Variants in MGLL observed in about 807,000 individuals in gnomAD.
MGLL encodes the protein monoglyceride lipase, also known as lysophospholipase homolog.
MGLL carries 7 observed loss-of-function variants against 29.1 expected under a neutral mutation model. That is an observed-to-expected ratio of 0.24 (90% confidence interval 0.14 to 0.45). The LOEUF (loss-of-function observed/expected upper bound fraction) is 0.45. Among genes scored for constraint, MGLL ranks in the 20% least tolerant of loss-of-function variants. The pLI is 0.99. For synonymous variants in MGLL, 148 were observed against 168.3 expected (o/e 0.88, Z 0.93); for missense variants, 356 against 413.6 (o/e 0.86, Z 1.21).
At chr3:127,710,987 A>G (rs2075700279) in intron 5 of MGLL, 1 of 399,710 alleles carries the variant, frequency 2.5e-6, no homozygotes, top group Non-Finnish European at 4.8e-6. Flanking sequence ...CATCACTGGC[A>G]AGAGTTGCCT....
In MGLL at chr3:127,822,402, G is replaced by A; in HGVS notation, c.-84C>T. On this transcript the variant is annotated 5_prime_UTR_variant, in exon 1 of 8. Coordinates refer to ENST00000265052, the MANE Select transcript of MGLL (RefSeq NM_007283.7). ...ATCGGGCTGTTCCCTCATCTGGGCGGCCCCAAGGCAGCAGGAAGGCAGCTC... is the reference window on the plus strand; with the variant it reads ...ATCGGGCTGTTCCCTCATCTGGGCGACCCCAAGGCAGCAGGAAGGCAGCTC... 6.8e-7 allele frequency: 1 copy of A among 1,475,616 alleles called. No homozygotes were observed. 91.4% of individuals were successfully genotyped at this position (1,475,616 alleles called of 1,614,324 possible). A position where few individuals can be genotyped will look rare whatever the true frequency, so the allele number is the denominator to read the frequency against.
chr3:127,696,407 T>TTTC, intron 6 of MGLL, among the ~76,000 whole-genome samples: 1 of 73,380 alleles, frequency 1.4e-5, no homozygotes, highest in African/African-American at 9.5e-5. Flanking sequence ...TTTTTTTTTT[T>TTTC]TTTTTTTTTT....
intron 3 of MGLL, among the ~76,000 whole-genome samples, chr3:127,774,358 C>T (rs1266718912): frequency 1.3e-5 from 2 of 152,240 alleles, no homozygotes; most frequent in Non-Finnish European, 2.9e-5. Context: ...CAGCCTCCTG[C>T]CTCTTGCCTC....
Position 127,787,683 on chromosome 3 carries a change from G to A in MGLL, c.156-5788C>T, listed in dbSNP as rs187721275. Among the ~76,000 whole-genome samples the A allele has an allele frequency of 6.6e-5, 10 of 152,346 alleles. No individual in the cohort carries two copies. In the East Asian group the frequency reaches 1.9e-3, roughly 29 times the overall value. ...CACACCCCTGAGGGTGTCCTCGCTG[G>A]AGGGGTGGGAGCATCGCCTGCCGCT... On this transcript the variant is annotated intron_variant, in intron 2 of 7. Coordinates refer to ENST00000265052, the MANE Select transcript of MGLL (RefSeq NM_007283.7).
Position 127,710,612 on chromosome 3 carries a change from G to A in MGLL, c.564C>T (p.Pro188=), listed in dbSNP as rs1379374095. 2 of 1,572,234 alleles carry A rather than the reference G, an allele frequency of 1.3e-6. No homozygotes were observed. Among genetic ancestry groups the A allele is most frequent in the Non-Finnish European group, 1.7e-6 (2 of 1,157,722 alleles). ...TCCGAGAGAGCACGCTGGAGTCGAT[G>A]GGCCCGAGGGACAAGTTTGGCAGCA... ...NLVLPNLSLG[P]IDSSVLSRNK... Residue 188 remains proline (P), a synonymous_variant, in exon 6 of 8, where the codon CCC becomes CCT. Transcript: ENST00000265052.
intron 3 of MGLL, among the ~76,000 whole-genome samples, chr3:127,777,455 G>A (rs370924927): frequency 6.6e-6 from 1 of 152,230 alleles, no homozygotes; most frequent in Non-Finnish European, 1.5e-5. Context: ...GCTAGGCAGA[G>A]CCCTGTGAAC....
chr3:127,743,890 C>T (rs1480431865), intron 3 of MGLL, among the ~76,000 whole-genome samples: 3 of 152,136 alleles, frequency 2.0e-5, no homozygotes, highest in Non-Finnish European at 4.4e-5. Flanking sequence ...TTTCAATCCA[C>T]GGCCACTCAG....
intron 3 of MGLL, among the ~76,000 whole-genome samples, chr3:127,753,512 C>T (rs556653328): frequency 7.6e-4 from 116 of 152,338 alleles, no homozygotes; most frequent in African/African-American, 2.8e-3. Flanking sequence ...ACGGATTCTA[C>T]CAGCGTTTGC....
intron 2 of MGLL, among the ~76,000 whole-genome samples, chr3:127,806,724 G>C (rs2077572654): frequency 6.6e-6 from 1 of 152,006 alleles, no homozygotes; most frequent in African/African-American, 2.4e-5. Context: ...TGAATGGATG[G>C]CTGGATAAAT....
intron 6 of MGLL, among the ~76,000 whole-genome samples, chr3:127,702,889 T>C (rs1420971752): frequency 6.6e-6 from 1 of 152,124 alleles, no homozygotes; most frequent in East Asian, 1.9e-4. Flanking sequence ...AAGACGGGGT[T>C]TCACCATGTT....
intron 3 of MGLL, among the ~76,000 whole-genome samples, chr3:127,754,767 G>T (rs57763775): frequency 2.6e-5 from 4 of 152,216 alleles, no homozygotes; most frequent in South Asian, 2.1e-4. Context: ...TGGCCTTCCC[G>T]TGTGCCTCCC....
intron 3 of MGLL, among the ~76,000 whole-genome samples, chr3:127,769,513 G>A (rs910830380): frequency 1.3e-5 from 2 of 152,228 alleles, no homozygotes; most frequent in South Asian, 2.1e-4. Context: ...GACGGAGGTA[G>A]TGCATCCTCC....
At chr3:127,727,179 C>T (rs1417405621) in intron 3 of MGLL, among the ~76,000 whole-genome samples, 4 of 152,166 alleles carry the variant, frequency 2.6e-5, no homozygotes, top group African/African-American at 9.7e-5. Context: ...ATGTACTAGG[C>T]TCACCTTATA....
chr3:127,783,174 A>T (rs2077158247), intron 2 of MGLL, among the ~76,000 whole-genome samples: 1 of 145,046 alleles, frequency 6.9e-6, no homozygotes, highest in Admixed American at 6.9e-5. Flanking sequence ...AAAAAGAAGT[A>T]AAGTAAGTTG....
At chr3:127,791,593 C>T (rs1251620748) in intron 2 of MGLL, among the ~76,000 whole-genome samples, 3 of 152,212 alleles carry the variant, frequency 2.0e-5, no homozygotes, top group African/African-American at 4.8e-5. Context: ...ATAATTATAT[C>T]ATCTCCAGCC....
intron 2 of MGLL, among the ~76,000 whole-genome samples, chr3:127,793,797 G>C (rs375962501): frequency 1.2e-4 from 19 of 152,212 alleles, no homozygotes; most frequent in African/African-American, 3.9e-4. Flanking sequence ...CCTGACCTCA[G>C]GTGACCCACC....
chr3:127,786,728 T>G (rs1041454621), intron 2 of MGLL, among the ~76,000 whole-genome samples: 16 of 152,062 alleles, frequency 1.1e-4, no homozygotes, highest in African/African-American at 3.9e-4. Context: ...CGCTCACCCG[T>G]GAAGTGGGGA....
In MGLL at chr3:127,761,402, T is replaced by A. The variant is rs1271758061; in HGVS notation, c.262+20387A>T. 6.6e-6 allele frequency among the ~76,000 whole-genome samples: 1 copy of A among 152,112 alleles called. No homozygotes were observed. The highest frequency in any genetic ancestry group is 1.5e-5 in the Non-Finnish European group (1 of 68,002). ...GATGAGAAGCTTTGAGGGACCAGGG[T>A]GGAGGCCTCCCCAGGGCTCCTCCTT... On this transcript the variant is annotated intron_variant, in intron 3 of 7. Transcript: ENST00000265052. The surrounding 1 kb of genome is among the most constrained non-coding windows in gnomAD (Gnocchi z 4.6).
intron 5 of MGLL, chr3:127,715,759 C>T (rs1031948897): frequency 8.8e-6 from 4 of 456,574 alleles, no homozygotes; most frequent in Admixed American, 2.3e-5. Flanking sequence ...ATCACATTGT[C>T]GAGGTCGACC....
Sources: allele counts gnomAD v4.1 joint callset (sites outside exome capture counted in the v4.1 genomes callset), GRCh38; gene constraint gnomAD v4.1.1; non-coding constraint Gnocchi (gnomAD v3.1); transcripts MANE v1.5; gene names NCBI Gene and HGNC (gene_info 2026-07-23, HGNC 2026-07-21).